Variants in NBPF14 observed in about 807,000 individuals in gnomAD.
NBPF14 encodes NBPF family member NBPF14.
Under a neutral mutation model 91.2 loss-of-function variants are expected in NBPF14, and 104 were observed. The observed-to-expected ratio is 1.14, with a 90% CI of 0.97 to 1.34. The LOEUF is 1.34. Among genes scored for constraint, NBPF14 ranks in the 40% most tolerant of loss-of-function variants. NBPF14 has a pLI of 0.00. For synonymous variants in NBPF14, 294 were observed against 303.8 expected (o/e 0.97, Z 0.34); for missense variants, 908 against 783.0 (o/e 1.16, Z -1.91).
At chr1:148,560,524 T>G in intron 36 of NBPF14, 60 bp downstream of exon 36, 1 of 214,072 alleles carries the variant, frequency 4.7e-6, no homozygotes, top group Non-Finnish European at 7.7e-6. Flanking sequence ...CTGGTTTCCC[T>G]GAATCTGTTG....
At chr1:148,578,131 T>G in intron 13 of NBPF14, 97 bp from the exon 14 acceptor site, 1 of 725,712 alleles carries the variant, frequency 1.4e-6, no homozygotes. Context: ...ATCAGTCTTG[T>G]CAGTGTGAGA....
intron 69 of NBPF14, among the ~76,000 whole-genome samples, chr1:148,534,187 C>G (rs587727647): frequency 1.3e-5 from 2 of 150,038 alleles, no homozygotes; most frequent in East Asian, 1.9e-4. Context: ...TCTAGTAGAT[C>G]GTTATCCCAA....
chr1:148,559,387 G>T (rs1266846300), intron 37 of NBPF14, among the ~76,000 whole-genome samples: 2 of 133,600 alleles, frequency 1.5e-5, no homozygotes, highest in Non-Finnish European at 3.0e-5. Context: ...GTTGCTAGGA[G>T]AAAAACTGCA....
At position 148,534,567 on chromosome 1, in the gene NBPF14, A is replaced by T. The variant is rs1223851139; in HGVS notation, c.8614+117T>A. On this transcript the variant is annotated intron_variant, in intron 69 of 70. Coordinates refer to ENST00000619423, the Ensembl canonical transcript of NBPF14. ...TTCATTACAACCTATATGCGCCCAT[A>T]GGTCCTGCCTGCGGCAATGACATCT... The T allele has an allele frequency of 3.9e-6, 3 of 769,642 alleles. No homozygotes were observed. In the East Asian group the frequency reaches 7.3e-5, roughly 19 times the overall value. 47.7% of individuals were successfully genotyped at this position (769,642 alleles called of 1,614,324 possible). A position where few individuals can be genotyped will look rare whatever the true frequency, so the allele number is the denominator to read the frequency against.
In NBPF14 at chr1:148,593,846, T is replaced by G. The variant is rs1302791531; in HGVS notation, c.176-146A>C. ...GACAGGGATTTCCACATCTTTACTCTTCAGTCTCCTGACTTTCTGGCATCT... is the reference window on the plus strand; with the variant it reads ...GACAGGGATTTCCACATCTTTACTCGTCAGTCTCCTGACTTTCTGGCATCT... On this transcript the variant is annotated intron_variant, in intron 2 of 70. Coordinates refer to ENST00000619423, the Ensembl canonical transcript of NBPF14. The G allele has an allele frequency of 2.9e-5, 22 of 752,244 alleles. 1 individual carries two copies. The highest frequency in any genetic ancestry group is 5.2e-5 in the South Asian group (3 of 58,136). 46.6% of individuals were successfully genotyped at this position (752,244 alleles called of 1,614,324 possible). A position where few individuals can be genotyped will look rare whatever the true frequency, so the allele number is the denominator to read the frequency against.
At chr1:148,535,194 T>G (rs1481049888) in intron 68 of NBPF14, among the ~76,000 whole-genome samples, 5 of 149,854 alleles carry the variant, frequency 3.3e-5, no homozygotes, top group African/African-American at 1.3e-4. Flanking sequence ...CTCAATAATT[T>G]TCCATAAACT....
rs1187581698 is a variant in NBPF14 at position 148,535,435 on chromosome 1, A to G, written c.8441+18T>C. On this transcript the variant is annotated intron_variant, in intron 68 of 70. Coordinates refer to ENST00000619423, the Ensembl canonical transcript of NBPF14. ...GGTGTCAACACAGAATTAAGCATCC[A>G]TAATTGCTCAAAGTTACCTGGGGCA... The G allele has an allele frequency of 2.0e-4, 98 of 488,352 alleles. No individual in the cohort carries two copies. The highest frequency in any genetic ancestry group is 7.0e-4 in the African/African-American group (21 of 29,826). The allele number at this position is 488,352 out of a possible 1,614,324, so 30.3% of individuals were successfully genotyped here.
chr1:148,595,392 C>A lies in NBPF14; in HGVS notation c.175+151G>T, dbSNP rs1663157786. ...TAAATACTTTGGCACCTCTGTCTTC[C>A]AACTTTAACAAAATGTTAAAATACC... is the stretch of plus-strand genomic sequence containing the variant. On this transcript the variant is annotated intron_variant, in intron 2 of 70. Transcript: ENST00000619423. Among the ~76,000 whole-genome samples the A allele has an allele frequency of 2.0e-5, 3 of 148,432 alleles. 1 individual carries two copies. The highest frequency in any genetic ancestry group is 4.5e-5 in the Non-Finnish European group (3 of 66,488).
chr1:148,534,947 T>A (rs1313972604), intron 68 of NBPF14, 91 bp from the exon 69 acceptor site: 18 of 747,458 alleles, frequency 2.4e-5, no homozygotes, highest in East Asian at 1.5e-4. Context: ...TAAGGAACAG[T>A]TTAAAAAGAA....
intron 28 of NBPF14, 97 bp from the exon 29 acceptor site, chr1:148,566,412 A>G: frequency 4.8e-6 from 3 of 622,338 alleles, no homozygotes; most frequent in Non-Finnish European, 8.6e-6. Context: ...AGTGGTTAAA[A>G]AACTAAAAGG....
chr1:148,560,291 G>C (rs1162997714), intron 36 of NBPF14, among the ~76,000 whole-genome samples: 231 of 139,248 alleles, frequency 1.7e-3, no homozygotes, highest in Admixed American at 3.0e-3. Flanking sequence ...AGCAAACTGT[G>C]ATCATGAAAA....
chr1:148,572,486 G>A (rs1659251243), exon 21 of NBPF14: 1 of 567,204 alleles, frequency 1.8e-6, no homozygotes, highest in East Asian at 3.0e-5. Flanking sequence ...CCTCCAATGA[G>A]TAAACAGCAC....
intron 3 of NBPF14, 123 bp downstream of exon 3, chr1:148,593,475 C>A (rs1662832053): frequency 4.6e-6 from 3 of 657,152 alleles, no homozygotes; most frequent in East Asian, 2.7e-5. Flanking sequence ...GTGTCATGAG[C>A]CTGCCATGGC....
At chr1:148,579,938 C>A (rs1571008054) in intron 12 of NBPF14, among the ~76,000 whole-genome samples, 1 of 152,120 alleles carries the variant, frequency 6.6e-6, no homozygotes, top group South Asian at 2.1e-4. Flanking sequence ...AAAACCCCAT[C>A]TGTAGGTCGC....
intron 68 of NBPF14, 106 bp downstream of exon 68, chr1:148,535,347 T>G: frequency 1.7e-6 from 1 of 581,664 alleles, no homozygotes; most frequent in East Asian, 3.0e-5. Flanking sequence ...TAGGAGTAAT[T>G]CAACCTTCGC....
chr1:148,539,470 A>C lies in NBPF14; in HGVS notation c.7822T>G (p.Tyr2608Asp), dbSNP rs1241693457. The C allele has an allele frequency of 2.9e-4, 92 of 316,284 alleles. No homozygotes were observed. The African/African-American group carries it at 0.012, about 43-fold the overall frequency. The allele number at this position is 316,284 out of a possible 1,614,324, so 19.6% of individuals were successfully genotyped here. ...TCCAATGAGTAAACAGCACTGCTGTAGGGCTGGCCTAAGTCAGGCAGTTCA... is the reference window on the plus strand; with the variant it reads ...TCCAATGAGTAAACAGCACTGCTGTCGGGCTGGCCTAAGTCAGGCAGTTCA... The change falls in exon 63 of 71, where the codon TAC (tyrosine) becomes GAC (aspartate). Residue 2608 changes from tyrosine (Y) to aspartate (D), a missense_variant. Tyr to Asp is a radical substitution (Grantham distance 160). This residue lies in a region of NBPF14 where 279 missense variants were observed against 107.7 expected (regional missense o/e 2.59). Coordinates refer to ENST00000619423, the Ensembl canonical transcript of NBPF14.
chr1:148,532,744 GT>G (rs1414850404), exon 71 of NBPF14: 1 of 275,204 alleles, frequency 3.6e-6, no homozygotes. Context: ...CCAGAGATAC[GT>G]GGTTCAAATT....
chr1:148,535,348 C>T (rs1470856060), intron 68 of NBPF14, 105 bp downstream of exon 68: 2 of 581,080 alleles, frequency 3.4e-6, no homozygotes, highest in African/African-American at 4.2e-5. Context: ...AGGAGTAATT[C>T]AACCTTCGCT....
chr1:148,584,973 A>T (rs1378586558), intron 10 of NBPF14, among the ~76,000 whole-genome samples, 168 bp downstream of exon 10: 1 of 148,404 alleles, frequency 6.7e-6, no homozygotes, highest in East Asian at 1.9e-4. Flanking sequence ...GCACACACAG[A>T]GAAACATGAC....
Sources: allele counts gnomAD v4.1 joint callset (sites outside exome capture counted in the v4.1 genomes callset), GRCh38; gene constraint gnomAD v4.1.1; regional missense constraint gnomAD v4.1.1; transcripts MANE v1.5; gene names NCBI Gene and HGNC (gene_info 2026-07-23, HGNC 2026-07-21).